The following CFAP61 variants were observed in gnomAD, a reference collection of about 807,000 sequenced individuals.
CFAP61 encodes the protein cilia and flagella associated protein 61.
CFAP61 carries 107 observed loss-of-function variants against 135.6 expected under a neutral mutation model. The observed-to-expected ratio is 0.79, with a 90% confidence interval of 0.67 to 0.93. CFAP61 has a LOEUF of 0.93. CFAP61 is among the 40% of genes least tolerant of loss of function. The pLI, the probability that CFAP61 is intolerant of heterozygous loss-of-function variation, is 0.00. For missense variants in CFAP61, 1,507 were observed against 1,556.2 expected, an observed-to-expected ratio of 0.97 and a Z score of 0.53; for synonymous variants, 575 against 578.5, an observed-to-expected ratio of 0.99 and a Z score of 0.09.
intron 18 of CFAP61, among the ~76,000 whole-genome samples, chr20:20,240,833 AG>A (rs1260725900): frequency 1.3e-5 from 2 of 152,194 alleles, no homozygotes; most frequent in South Asian, 2.1e-4. Context: ...TGGGACTTTC[AG>A]GAAGTCTCCT....
chr20:20,110,772 C>A (rs773062197), intron 8 of CFAP61, among the ~76,000 whole-genome samples: 3 of 152,116 alleles, frequency 2.0e-5, no homozygotes, highest in Non-Finnish European at 2.9e-5. Context: ...CAGCTCCAAG[C>A]ACGAGGCCCA....
intron 8 of CFAP61, among the ~76,000 whole-genome samples, chr20:20,108,534 T>C (rs199685998): frequency 6.6e-6 from 1 of 151,470 alleles, no homozygotes; most frequent in South Asian, 2.1e-4. Flanking sequence ...GAAAAAAAAA[T>C]CAATGCAAAA....
intron 9 of CFAP61, among the ~76,000 whole-genome samples, chr20:20,152,215 G>C (rs967621235): frequency 2.6e-5 from 4 of 151,770 alleles, no homozygotes; most frequent in African/African-American, 9.7e-5. Flanking sequence ...ACTAAAAAAA[G>C]TTCTAAATCT....
intron 15 of CFAP61, among the ~76,000 whole-genome samples, chr20:20,192,252 T>C (rs1207755012): frequency 1.3e-5 from 2 of 152,138 alleles, no homozygotes; most frequent in Non-Finnish European, 2.9e-5. Flanking sequence ...AAAAACGTCT[T>C]GTGGCTTCTT....
At chr20:20,200,128 C>T (rs2056535909) in intron 17 of CFAP61, among the ~76,000 whole-genome samples, 1 of 152,244 alleles carries the variant, frequency 6.6e-6, no homozygotes, top group African/African-American at 2.4e-5. Flanking sequence ...CCTGCAGGGT[C>T]ATGCCATGAG....
In CFAP61 at chr20:20,196,709, A is replaced by G. The variant is rs1484445553; in HGVS notation, c.1730A>G (p.Glu577Gly). ...CACTACACCAAGTTCTTTCTGAAGG[A>G]GATCCTGCGTTTAGGCTTTAAATCC... ...FRHYTKFFLK[E>G]ILRLGFKSCL... Residue 577 changes from glutamate (E) to glycine (G), a missense_variant, in exon 16 of 27, where the codon GAG becomes GGG. Glu to Gly is a moderately conservative substitution (Grantham distance 98). Coordinates refer to ENST00000245957, the MANE Select transcript of CFAP61 (RefSeq NM_015585.4). 2 of 1,614,068 alleles carry G rather than the reference A, an allele frequency of 1.2e-6. No homozygotes were observed. The highest frequency in any genetic ancestry group is 1.3e-5 in the African/African-American group (1 of 74,914).
intron 22 of CFAP61, among the ~76,000 whole-genome samples, chr20:20,286,541 T>C (rs2054602337): frequency 6.6e-6 from 1 of 152,230 alleles, no homozygotes; most frequent in African/African-American, 2.4e-5. Flanking sequence ...CTCTCCTTAA[T>C]CAGAATTATC....
At chr20:20,340,388 A>T (rs151185736) in intron 25 of CFAP61, among the ~76,000 whole-genome samples, 1 of 152,212 alleles carries the variant, frequency 6.6e-6, no homozygotes, top group East Asian at 1.9e-4. Context: ...TAGGCAGATC[A>T]CAGAGGGCTT....
At chr20:20,258,862 G>A (rs2051902212) in intron 20 of CFAP61, among the ~76,000 whole-genome samples, 1 of 152,198 alleles carries the variant, frequency 6.6e-6, no homozygotes, top group Non-Finnish European at 1.5e-5. Context: ...CATGTTGTAG[G>A]TTAGAGAACC....
chr20:20,131,187 T>A (rs2050498207), intron 8 of CFAP61, among the ~76,000 whole-genome samples: 1 of 151,830 alleles, frequency 6.6e-6, no homozygotes, highest in African/African-American at 2.4e-5. Context: ...TCTGGGATAT[T>A]GCTGGTAATA....
At position 20,074,429 on chromosome 20, in the gene CFAP61, A is replaced by C. The variant is rs780127594; in HGVS notation, c.371+51A>C. 5 of 1,467,642 alleles carry C rather than the reference A, an allele frequency of 3.4e-6. No homozygotes were observed. The African/African-American group carries it at 6.9e-5, about 20-fold the overall frequency. The allele number at this position is 1,467,642 out of a possible 1,614,324, so 90.9% of individuals were successfully genotyped here. A position where few individuals can be genotyped will look rare whatever the true frequency, so the allele number is the denominator to read the frequency against. ...TGAACATGAAAGAGACTGTGTGGATAGTTTTGAAATATTTTTTAAAAGACA... is the reference window on the plus strand; with the variant it reads ...TGAACATGAAAGAGACTGTGTGGATCGTTTTGAAATATTTTTTAAAAGACA... On this transcript the variant is annotated intron_variant, in intron 4 of 26. Coordinates refer to ENST00000245957, the MANE Select transcript of CFAP61 (RefSeq NM_015585.4).
intron 22 of CFAP61, among the ~76,000 whole-genome samples, chr20:20,284,451 AT>A (rs1328253558): frequency 1.9e-4 from 29 of 151,470 alleles, no homozygotes; most frequent in Non-Finnish European, 4.4e-5. Context: ...ACACCCGGCT[AT>A]TTTTTTGTAT....
At chr20:20,201,858 G>A (rs1365440977) in intron 17 of CFAP61, among the ~76,000 whole-genome samples, 12 of 152,200 alleles carry the variant, frequency 7.9e-5, no homozygotes, top group Admixed American at 7.8e-4. Context: ...CCTTCAGCCA[G>A]CCCTCTGGCA....
At chr20:20,259,838 GC>G (rs1205992029) in intron 20 of CFAP61, 2 of 152,204 alleles carry the variant, frequency 1.3e-5, no homozygotes, top group African/African-American at 4.8e-5. Context: ...TAGGCAGCCA[GC>G]AGTCCTAGCC....
intron 8 of CFAP61, among the ~76,000 whole-genome samples, chr20:20,105,531 GAT>G (rs2048323176): frequency 6.6e-6 from 1 of 152,180 alleles, no homozygotes; most frequent in African/African-American, 2.4e-5. Context: ...TCAAGGCTCT[GAT>G]AGTAATGCAG....
At chr20:20,281,684 C>T (rs1383583253) in intron 22 of CFAP61, among the ~76,000 whole-genome samples, 2 of 152,108 alleles carry the variant, frequency 1.3e-5, no homozygotes, top group African/African-American at 4.8e-5. Context: ...AACTATTTTG[C>T]AACTATATTC....
Position 20,277,263 on chromosome 20 carries a change from GC to G in CFAP61, c.2606del (p.Pro869ArgfsTer22). On this transcript the variant is annotated frameshift_variant, in exon 22 of 27. Transcript: ENST00000245957. LOFTEE classifies it high-confidence loss of function. The part of the protein sequence containing the change: ...VSGSRIHLVQ[P>X]PPASTITCIN... ...GCGGCAGCCGCATCCACCTCGTGCA[GC>G]CCCCGCCCGCCTCCACCATCACCTG... is the stretch of plus-strand genomic sequence containing the variant. The G allele has an allele frequency of 6.2e-7, 1 of 1,613,948 alleles. No homozygotes were observed. Among genetic ancestry groups the G allele is most frequent in the Non-Finnish European group, 8.5e-7 (1 of 1,180,028 alleles).
chr20:20,196,638 A>G lies in CFAP61; in HGVS notation c.1659A>G (p.Glu553=), dbSNP rs768103331. The G allele has an allele frequency of 6.2e-7, 1 of 1,614,206 alleles. No homozygotes were observed. The highest frequency in any genetic ancestry group is 1.1e-5 in the South Asian group (1 of 91,084). Residue 553 remains glutamate (E), a synonymous_variant, in exon 16 of 27, where the codon GAA becomes GAG. Transcript: ENST00000245957. ...TCTACTTCAGTCACCACCAGCGCGA[A>G]GAACACGGGCACATGCATCACTTTG... ...DFIYFSHHQR[E]EHGHMHHFAL...
intron 21 of CFAP61, among the ~76,000 whole-genome samples, chr20:20,266,506 T>C (rs1461609643): frequency 6.6e-6 from 1 of 152,226 alleles, no homozygotes; most frequent in Admixed American, 6.5e-5. Context: ...TGAAGACAGT[T>C]CAGGATGTAA....
Sources: gnomAD v4.1 joint callset for allele counts (sites outside exome capture counted in the v4.1 genomes callset) on GRCh38, gnomAD v4.1.1 for gene constraint, MANE v1.5 for transcripts, NCBI Gene and HGNC (gene_info 2026-07-23, HGNC 2026-07-21) for gene names.